The following MYO18B variants were observed in gnomAD, a reference collection of about 807,000 sequenced individuals.
MYO18B encodes myosin XVIIIB.
MYO18B carries 204 observed loss-of-function variants against 273.0 expected under a neutral mutation model. That is an observed-to-expected ratio of 0.75 (90% CI 0.67 to 0.84). The LOEUF (loss-of-function observed/expected upper bound fraction) is 0.84. Ranked by LOEUF, MYO18B falls within the 40% of genes least tolerant of loss-of-function variation. The pLI is 0.00. For missense variants in MYO18B, 3,212 were observed against 3,287.6 expected (o/e 0.98, Z 0.56); for synonymous variants, 1,330 against 1,305.7 (o/e 1.02, Z -0.40).
intron 21 of MYO18B, among the ~76,000 whole-genome samples, chr22:25,865,468 C>A (rs942061558): frequency 2.0e-5 from 3 of 152,194 alleles, no homozygotes; most frequent in African/African-American, 7.2e-5. Context: ...TCATGTTTTG[C>A]AGCACTGTTC....
chr22:26,031,741 A>G (rs942453405), downstream of MYO18B, among the ~76,000 whole-genome samples: 1 of 152,136 alleles, frequency 6.6e-6, no homozygotes, highest in Non-Finnish European at 1.5e-5. Flanking sequence ...GAGGCAAGGG[A>G]GGAGGATGGG....
chr22:25,861,913 TACTGTAATAC>T (rs2090748676), intron 21 of MYO18B, among the ~76,000 whole-genome samples: 1 of 152,206 alleles, frequency 6.6e-6, no homozygotes, highest in African/African-American at 2.4e-5. Flanking sequence ...TTAGTGATAC[TACTGTAATAC>T]ACAGTCCACC....
In MYO18B at chr22:25,891,354, G is replaced by A. The variant is rs1451461597; in HGVS notation, c.4485G>A (p.Leu1495=). ...AACTGGGAGATGTGAATAAACAGTT[G>A]GAAGAAGCCCAGCAGAAAATTCAGT... The part of the protein sequence containing the change: ...QKKLGDVNKQ[L]EEAQQKIQLN... Residue 1495 remains leucine (L), a synonymous_variant, in exon 27 of 44, where the codon TTG becomes TTA. Coordinates refer to ENST00000335473, the MANE Select transcript of MYO18B (RefSeq NM_032608.7). The A allele has an allele frequency of 6.3e-7, 1 of 1,585,610 alleles. No homozygotes were observed. Among genetic ancestry groups the A allele is most frequent in the Non-Finnish European group, 8.6e-7 (1 of 1,165,638 alleles).
chr22:25,874,619 T>C (rs1809394922), intron 23 of MYO18B, among the ~76,000 whole-genome samples: 1 of 152,206 alleles, frequency 6.6e-6, no homozygotes, highest in Admixed American at 6.5e-5. Context: ...TTGCGCTAGG[T>C]AGCCATGAGG....
At chr22:25,945,286 A>G (rs1182984547) in intron 34 of MYO18B, among the ~76,000 whole-genome samples, 1 of 151,934 alleles carries the variant, frequency 6.6e-6, no homozygotes, top group Non-Finnish European at 1.5e-5. Context: ...GCCTCCCTCA[A>G]TTCCCATCCT....
At chr22:25,812,976 C>T (rs1245186954) in intron 12 of MYO18B, among the ~76,000 whole-genome samples, 1 of 151,918 alleles carries the variant, frequency 6.6e-6, no homozygotes, top group Non-Finnish European at 1.5e-5. Flanking sequence ...CTTTCTCTTC[C>T]TTCTCTCCTT....
intron 1 of MYO18B, among the ~76,000 whole-genome samples, chr22:25,748,767 C>G (rs1363326236): frequency 6.6e-6 from 1 of 152,222 alleles, no homozygotes; most frequent in Non-Finnish European, 1.5e-5. Context: ...CTCCCTTTCT[C>G]ACCTTCATGT....
intron 2 of MYO18B, among the ~76,000 whole-genome samples, chr22:25,761,536 C>T (rs934039867): frequency 6.6e-6 from 1 of 152,192 alleles, no homozygotes; most frequent in South Asian, 2.1e-4. Context: ...GGGTGGGTTT[C>T]TGTGGTCCCT....
the MYO18B span, among the ~76,000 whole-genome samples, chr22:26,041,647 C>A: frequency 2.0e-5 from 3 of 152,114 alleles, no homozygotes; most frequent in South Asian, 6.2e-4. Context: ...TCTCTGGTTG[C>A]TGGATACAAA....
At chr22:25,790,643 G>C (rs4822656) in intron 11 of MYO18B, among the ~76,000 whole-genome samples, 144,127 of 152,356 alleles carry the variant, frequency 0.95, 68,473 homozygotes, top group Non-Finnish European at 0.99. Context: ...ATAAATGAAC[G>C]AGCATGCCCA....
At chr22:25,843,185 C>T (rs2090135405) in intron 17 of MYO18B, among the ~76,000 whole-genome samples, 2 of 152,114 alleles carry the variant, frequency 1.3e-5, no homozygotes, top group Admixed American at 1.3e-4. Context: ...CCATTTTTTT[C>T]TCCCACCCTG....
the MYO18B span, among the ~76,000 whole-genome samples, chr22:26,059,482 A>C: frequency 6.6e-6 from 1 of 152,228 alleles, no homozygotes. Flanking sequence ...GTTGTTCATC[A>C]AGGGAGAAAT....
At chr22:25,796,594 TAAAAAAAA>T (rs67767641) in intron 11 of MYO18B, among the ~76,000 whole-genome samples, 1 of 141,438 alleles carries the variant, frequency 7.1e-6, no homozygotes, top group Non-Finnish European at 1.5e-5. Flanking sequence ...AGACCCTGTC[TAAAAAAAA>T]AAAAAAAAAA....
chr22:26,020,255 G>A (rs527675946), intron 42 of MYO18B, among the ~76,000 whole-genome samples: 2 of 152,178 alleles, frequency 1.3e-5, no homozygotes, highest in Non-Finnish European at 2.9e-5. Flanking sequence ...GTTCTTCACC[G>A]ATTTTCATGG....
intron 1 of MYO18B, among the ~76,000 whole-genome samples, chr22:25,752,498 T>G (rs1341039686): frequency 6.6e-6 from 1 of 152,120 alleles, no homozygotes; most frequent in Non-Finnish European, 1.5e-5. Flanking sequence ...TTAATTAATT[T>G]TTTAAGAGAC....
In MYO18B at chr22:26,003,311, T is replaced by G; in HGVS notation, c.6332+2T>G. On this transcript the variant is annotated splice_donor_variant, in intron 41 of 43. Transcript: ENST00000335473. LOFTEE classifies it high-confidence loss of function. ...TGGCAGCAGCGGCCGAAAAGAGATG[T>G]AAGTTAACCCCAGGTAGAACTGAGC... The G allele has an allele frequency of 6.2e-7, 1 of 1,605,666 alleles. No homozygotes were observed. The highest frequency in any genetic ancestry group is 8.5e-7 in the Non-Finnish European group (1 of 1,176,258).
intron 7 of MYO18B, among the ~76,000 whole-genome samples, chr22:25,774,505 G>C (rs2145621754): frequency 6.6e-6 from 1 of 152,332 alleles, no homozygotes; most frequent in East Asian, 1.9e-4. Flanking sequence ...TTAGGCAAAA[G>C]CGCCAAAAGA....
downstream of MYO18B, among the ~76,000 whole-genome samples, chr22:26,035,641 C>T (rs1022560157): frequency 2.6e-5 from 4 of 152,222 alleles, no homozygotes; most frequent in African/African-American, 9.6e-5. Context: ...GGCTGCTCAC[C>T]ACACAGAAAG....
intron 42 of MYO18B, among the ~76,000 whole-genome samples, chr22:26,021,286 G>A (rs149812687): frequency 7.9e-4 from 120 of 152,236 alleles, no homozygotes; most frequent in African/African-American, 2.7e-3. Flanking sequence ...CATACTTACA[G>A]CATTTTCATA....
Sources: allele counts gnomAD v4.1 joint callset (sites outside exome capture counted in the v4.1 genomes callset), GRCh38; gene constraint gnomAD v4.1.1; transcripts MANE v1.5; gene names NCBI Gene and HGNC (gene_info 2026-07-23, HGNC 2026-07-21).